Variants in DPP6 observed in about 807,000 individuals in gnomAD.
DPP6 encodes the protein A-type potassium channel modulatory protein DPP6.
Under a neutral mutation model 122.6 loss-of-function variants are expected in DPP6, and 69 were observed. The observed-to-expected ratio is 0.56, with a 90% CI of 0.46 to 0.69. The LOEUF is 0.69. Ranked by LOEUF, DPP6 falls within the 30% of genes least tolerant of loss-of-function variation. DPP6 has a pLI of 0.00. For synonymous variants in DPP6, 418 were observed against 433.1 expected, an observed-to-expected ratio of 0.97 and a Z score of 0.43; for missense variants, 928 against 1,116.9, an observed-to-expected ratio of 0.83 and a Z score of 2.41.
intron 1 of DPP6, among the ~76,000 whole-genome samples, chr7:154,429,180 T>TAAAAA (rs34365501): frequency 0.031 from 4,518 of 146,126 alleles, 187 homozygotes; most frequent in African/African-American, 0.086. Context: ...CTTAATCTGT[T>TAAAAA]AAAAAAAAAA....
intron 10 of DPP6, among the ~76,000 whole-genome samples, chr7:154,777,604 G>A (rs1370076879): frequency 6.6e-6 from 1 of 152,108 alleles, no homozygotes; most frequent in South Asian, 2.1e-4. Context: ...GGCCTTTCCC[G>A]AGCAGTTGAG....
At chr7:154,832,695 C>G (rs1800725557) in intron 16 of DPP6, among the ~76,000 whole-genome samples, 1 of 152,226 alleles carries the variant, frequency 6.6e-6, no homozygotes, top group South Asian at 2.1e-4. Context: ...AACATTTTTG[C>G]TGACACAGTC....
intron 17 of DPP6, among the ~76,000 whole-genome samples, chr7:154,864,196 C>G (rs2013101): frequency 0.04 from 6,154 of 152,272 alleles, 429 homozygotes; most frequent in African/African-American, 0.14. Flanking sequence ...GAAAGGGAAG[C>G]GGCTGCTCTC....
At chr7:154,468,384 G>A (rs1172375027) in intron 2 of DPP6, among the ~76,000 whole-genome samples, 1 of 152,148 alleles carries the variant, frequency 6.6e-6, no homozygotes, top group Admixed American at 6.5e-5. Flanking sequence ...TCCAAATTTA[G>A]GTCAGTAATG....
At chr7:154,546,322 A>G (rs1829185919) in intron 4 of DPP6, among the ~76,000 whole-genome samples, 1 of 152,024 alleles carries the variant, frequency 6.6e-6, no homozygotes, top group Non-Finnish European at 1.5e-5. Flanking sequence ...TAGTGTGGTG[A>G]TTTCCATAAC....
intron 1 of DPP6, among the ~76,000 whole-genome samples, chr7:154,114,834 A>T (rs1806865186): frequency 1.3e-5 from 2 of 152,278 alleles, no homozygotes; most frequent in African/African-American, 4.8e-5. Flanking sequence ...TTTACACCTG[A>T]CTTCGGCAAC....
intron 1 of DPP6, among the ~76,000 whole-genome samples, chr7:153,952,454 C>T (rs1487927196): frequency 6.6e-6 from 1 of 152,180 alleles, no homozygotes; most frequent in South Asian, 2.1e-4. Context: ...GATTTTAATT[C>T]TATCAAGTAT....
intron 1 of DPP6, among the ~76,000 whole-genome samples, chr7:154,172,028 G>T (rs1797557989): frequency 6.6e-6 from 1 of 152,144 alleles, no homozygotes; most frequent in African/African-American, 2.4e-5. Context: ...CACAAGGACA[G>T]CCCATGGTCA....
chr7:154,188,084 G>A (rs1798436997), intron 1 of DPP6, among the ~76,000 whole-genome samples: 2 of 152,036 alleles, frequency 1.3e-5, no homozygotes, highest in African/African-American at 2.4e-5. Flanking sequence ...TGTGGTCACG[G>A]TGGTTCTCTT....
intron 1 of DPP6, among the ~76,000 whole-genome samples, chr7:153,917,944 C>T (rs1365067239): frequency 6.6e-6 from 1 of 152,188 alleles, no homozygotes; most frequent in Non-Finnish European, 1.5e-5. Context: ...CAGAAAATTA[C>T]AGATTTCCTT....
intron 1 of DPP6, among the ~76,000 whole-genome samples, chr7:154,152,898 A>G (rs1292438078): frequency 1.3e-5 from 2 of 152,348 alleles, no homozygotes; most frequent in Admixed American, 6.5e-5. Flanking sequence ...CCAAATGTCC[A>G]CCCAACAGAT....
chr7:153,852,415 C>T, the DPP6 span, among the ~76,000 whole-genome samples: 1 of 152,052 alleles, frequency 6.6e-6, no homozygotes, highest in Non-Finnish European at 1.5e-5. Context: ...ATGGCCGGAG[C>T]AGGAGCAAGA....
chr7:153,985,647 A>G (rs1343007021), intron 1 of DPP6, among the ~76,000 whole-genome samples: 1 of 152,214 alleles, frequency 6.6e-6, no homozygotes, highest in Non-Finnish European at 1.5e-5. Context: ...CATTGAGTAA[A>G]TCCAGTGGAA....
chr7:154,621,899 G>A (rs776102114), intron 5 of DPP6, among the ~76,000 whole-genome samples: 28 of 152,138 alleles, frequency 1.8e-4, no homozygotes, highest in Admixed American at 2.6e-4. Context: ...GAGGCTTGTC[G>A]TACCATGTGA....
chr7:154,006,851 C>G (rs1264471386), intron 1 of DPP6, among the ~76,000 whole-genome samples: 1 of 152,216 alleles, frequency 6.6e-6, no homozygotes, highest in African/African-American at 2.4e-5. Flanking sequence ...TTGAATTGCC[C>G]TGGTTGGTGC....
chr7:153,950,410 T>G (rs935164697), intron 1 of DPP6, among the ~76,000 whole-genome samples: 1 of 152,184 alleles, frequency 6.6e-6, no homozygotes, highest in African/African-American at 2.4e-5. Flanking sequence ...AAGATCCCTG[T>G]ACGTTATGCG....
chr7:153,837,862 T>TTA, the DPP6 span, among the ~76,000 whole-genome samples: 1 of 146,526 alleles, frequency 6.8e-6, no homozygotes, highest in East Asian at 2.0e-4. Flanking sequence ...TTTTTTTTTT[T>TTA]AGTAGAGATG....
chr7:154,443,624 CGATG>C (rs1819592154), intron 1 of DPP6, among the ~76,000 whole-genome samples: 2 of 113,092 alleles, frequency 1.8e-5, no homozygotes, highest in Non-Finnish European at 3.4e-5. Flanking sequence ...ATGGATATGT[CGATG>C]AATGTGGATG....
chr7:154,004,848 T>C (rs2129046910), intron 1 of DPP6, among the ~76,000 whole-genome samples: 1 of 152,358 alleles, frequency 6.6e-6, no homozygotes, highest in East Asian at 1.9e-4. Context: ...TGCTTTCTCA[T>C]AGATATGCAT....
Sources: gnomAD v4.1 joint callset for allele counts (sites outside exome capture counted in the v4.1 genomes callset) on GRCh38, gnomAD v4.1.1 for gene constraint, MANE v1.5 for transcripts, NCBI Gene and HGNC (gene_info 2026-07-23, HGNC 2026-07-21) for gene names.